SDK1: variants seen among roughly 807,000 people sequenced by gnomAD.
The protein encoded by SDK1 is sidekick cell adhesion molecule 1, also known as protein sidekick-1.
SDK1 carries 157 observed loss-of-function variants against 245.5 expected under a neutral mutation model. That is an observed-to-expected ratio of 0.64 (90% CI 0.56 to 0.73). The LOEUF (loss-of-function observed/expected upper bound fraction) is 0.73. SDK1 is among the 30% of genes least tolerant of loss of function. The probability of loss-of-function intolerance (pLI) is 0.00; values close to 1 mark genes in which losing one functional copy is unlikely to be tolerated. For missense variants in SDK1, 3,583 were observed against 3,002.3 expected, an observed-to-expected ratio of 1.19 and a Z score of -4.52; for synonymous variants, 1,647 against 1,278.5, an observed-to-expected ratio of 1.29 and a Z score of -6.15.
rs919780397 is a variant in SDK1 at position 3,696,769 on chromosome 7, T to C, written c.713+54664T>C. On this transcript the variant is annotated intron_variant, in intron 4 of 44. Coordinates refer to ENST00000404826, the MANE Select transcript of SDK1 (RefSeq NM_152744.4). ...TATTTTTGAGTTGTGTCAGTTCTTA[T>C]ATTAAATAGTGTATTGAATTTAGGG... Among the ~76,000 whole-genome samples the C allele has an allele frequency of 2.0e-5, 3 of 152,172 alleles. No individual in the cohort carries two copies. In the East Asian group the frequency reaches 5.8e-4, roughly 29 times the overall value.
At chr7:4,106,458 C>G (rs559640239) in intron 22 of SDK1, among the ~76,000 whole-genome samples, 1 of 152,186 alleles carries the variant, frequency 6.6e-6, no homozygotes, top group African/African-American at 2.4e-5. Context: ...CACCCACCAC[C>G]ACGCCTTTTT....
intron 7 of SDK1, among the ~76,000 whole-genome samples, chr7:3,952,581 C>T (rs1306809781): frequency 6.7e-6 from 1 of 148,464 alleles, no homozygotes; most frequent in African/African-American, 2.6e-5. Context: ...AAAACTCCAA[C>T]TCAAAAAAAA....
chr7:3,945,205 CAG>C (rs767736097), intron 5 of SDK1, among the ~76,000 whole-genome samples: 5 of 152,156 alleles, frequency 3.3e-5, no homozygotes, highest in Admixed American at 6.5e-5. Flanking sequence ...AACAGACAAA[CAG>C]AAAGTTATAG....
chr7:3,439,408 C>A (rs528116938), intron 1 of SDK1, among the ~76,000 whole-genome samples: 2 of 152,168 alleles, frequency 1.3e-5, no homozygotes, highest in Admixed American at 6.5e-5. Flanking sequence ...GCGCTCCTTA[C>A]AAGCCTCTAG....
intron 2 of SDK1, among the ~76,000 whole-genome samples, chr7:3,634,040 C>G (rs1456328447): frequency 6.6e-6 from 1 of 152,158 alleles, no homozygotes; most frequent in African/African-American, 2.4e-5. Flanking sequence ...TGGGCATCAC[C>G]AACCCCAGAT....
At chr7:3,621,464 C>T (rs978423306) in intron 2 of SDK1, among the ~76,000 whole-genome samples, 1 of 152,154 alleles carries the variant, frequency 6.6e-6, no homozygotes, top group Non-Finnish European at 1.5e-5. Flanking sequence ...TTTCAAAGAA[C>T]CCAGATTGTT....
chr7:3,803,198 A>C (rs1032064296), intron 4 of SDK1, among the ~76,000 whole-genome samples: 1 of 152,136 alleles, frequency 6.6e-6, no homozygotes, highest in Non-Finnish European at 1.5e-5. Flanking sequence ...CCTAATGGCT[A>C]GTGATGCTCA....
At position 3,382,013 on chromosome 7, in the gene SDK1, T is replaced by C. The variant is rs557947931; in HGVS notation, c.298+80129T>C. Among the ~76,000 whole-genome samples the C allele has an allele frequency of 3.9e-5, 6 of 152,366 alleles. No individual in the cohort carries two copies. In the East Asian group the frequency reaches 7.7e-4, roughly 20 times the overall value. ...TAAAGTAATTTATAACTAATACTTA[T>C]TGATGCCCTACTCTGTCTCAGTCAA... On this transcript the variant is annotated intron_variant, in intron 1 of 44. Transcript: ENST00000404826.
chr7:3,564,227 T>C (rs1483413360), intron 1 of SDK1, among the ~76,000 whole-genome samples: 3 of 152,000 alleles, frequency 2.0e-5, no homozygotes, highest in African/African-American at 7.2e-5. Flanking sequence ...AAATACAGAA[T>C]AATAATAATA....
chr7:4,140,722 G>A (rs1022036088), intron 28 of SDK1, among the ~76,000 whole-genome samples: 1 of 152,110 alleles, frequency 6.6e-6, no homozygotes, highest in Admixed American at 6.5e-5. Flanking sequence ...ATATCTGCCT[G>A]GGGAATGTCA....
At chr7:3,498,387 C>T (rs749185023) in intron 1 of SDK1, among the ~76,000 whole-genome samples, 19 of 152,118 alleles carry the variant, frequency 1.2e-4, no homozygotes, top group Non-Finnish European at 2.8e-4. Context: ...GACGTGAGCT[C>T]ATTACCTGAC....
At chr7:3,504,255 CTGT>C (rs1418998340) in intron 1 of SDK1, among the ~76,000 whole-genome samples, 4 of 143,234 alleles carry the variant, frequency 2.8e-5, no homozygotes, top group Non-Finnish European at 4.5e-5. Context: ...CTGGATGCTG[CTGT>C]TGTTGTCGTT....
At chr7:4,073,999 C>T (rs1442401085) in intron 20 of SDK1, among the ~76,000 whole-genome samples, 6 of 152,032 alleles carry the variant, frequency 3.9e-5, no homozygotes, top group South Asian at 2.1e-4. Flanking sequence ...TCCCGGACAT[C>T]GCCTATTGGT....
intron 1 of SDK1, among the ~76,000 whole-genome samples, chr7:3,527,615 G>T (rs1583125799): frequency 6.6e-6 from 1 of 152,060 alleles, no homozygotes; most frequent in East Asian, 1.9e-4. Context: ...AGATGAGGTT[G>T]GATGATAGTC....
At chr7:4,115,641 T>C (rs73046437) in intron 25 of SDK1, among the ~76,000 whole-genome samples, 46,834 of 151,942 alleles carry the variant, frequency 0.31, 7,471 homozygotes, top group South Asian at 0.41. Context: ...ACAGAATCGC[T>C]CTTGAAGCTG....
rs186920628 is a variant in SDK1, at chr7:3,578,870, T to A, written c.299-40210T>A. Among the ~76,000 whole-genome samples, 373 of 152,088 alleles carry A rather than the reference T, an allele frequency of 2.5e-3. 8 individuals are homozygous for A. The highest frequency in any genetic ancestry group is 0.018 in the South Asian group (85 of 4,814). Reference sequence around the variant, plus strand: ...TTGTTCAAACACACATGTTTTACAATCATTTTATACAGTTAACCCAATCAA... The same window carrying A: ...TTGTTCAAACACACATGTTTTACAAACATTTTATACAGTTAACCCAATCAA... On this transcript the variant is annotated intron_variant, in intron 1 of 44. Coordinates refer to ENST00000404826, the MANE Select transcript of SDK1 (RefSeq NM_152744.4).
chr7:3,385,794 G>A (rs1781595931), intron 1 of SDK1, among the ~76,000 whole-genome samples: 1 of 152,170 alleles, frequency 6.6e-6, no homozygotes. Context: ...GTAAGGGATT[G>A]TAATATCTCT....
intron 20 of SDK1, among the ~76,000 whole-genome samples, 164 bp from the exon 21 acceptor site, chr7:4,076,834 C>A (rs1393975444): frequency 6.6e-6 from 1 of 152,152 alleles, no homozygotes; most frequent in East Asian, 1.9e-4. Flanking sequence ...GAGGAAGGAG[C>A]CTTGACCTGT....
At chr7:3,829,206 A>G (rs2115070938) in intron 5 of SDK1, among the ~76,000 whole-genome samples, 1 of 152,334 alleles carries the variant, frequency 6.6e-6, no homozygotes, top group East Asian at 1.9e-4. Flanking sequence ...TGATGAAAAA[A>G]TGGTAGATGT....
Sources: allele counts gnomAD v4.1 joint callset (sites outside exome capture counted in the v4.1 genomes callset), GRCh38; gene constraint gnomAD v4.1.1; transcripts MANE v1.5; gene names NCBI Gene and HGNC (gene_info 2026-07-23, HGNC 2026-07-21).